Variants in MYO7A observed in about 807,000 individuals in gnomAD.
MYO7A encodes unconventional myosin-VIIa.
MYO7A carries 210 observed loss-of-function variants against 263.8 expected under a neutral mutation model. The observed-to-expected ratio is 0.80, with a 90% CI of 0.71 to 0.89. MYO7A has a LOEUF of 0.89. Ranked by LOEUF, MYO7A falls within the 40% of genes least tolerant of loss-of-function variation. The probability of loss-of-function intolerance (pLI) is 0.00; values close to 1 mark genes in which losing one functional copy is unlikely to be tolerated. For synonymous variants in MYO7A, 1,239 were observed against 1,197.3 expected (o/e 1.03, Z -0.72); for missense variants, 2,820 against 2,968.3 (o/e 0.95, Z 1.16).
At chr11:77,196,076 C>T (rs992010737) in intron 32 of MYO7A, among the ~76,000 whole-genome samples, 7 of 152,202 alleles carry the variant, frequency 4.6e-5, no homozygotes, top group African/African-American at 1.7e-4. Flanking sequence ...TCTTTAAAGA[C>T]CTTATCTCTG....
intron 14 of MYO7A, among the ~76,000 whole-genome samples, chr11:77,164,285 T>C (rs1245303663): frequency 1.0e-4 from 15 of 144,870 alleles, no homozygotes; most frequent in African/African-American, 3.7e-4. Flanking sequence ...AACCACAAAT[T>C]GGCATTAGTT....
intron 13 of MYO7A, 98 bp from the exon 14 acceptor site, chr11:77,162,755 G>A: frequency 6.8e-7 from 1 of 1,478,416 alleles, no homozygotes; most frequent in South Asian, 1.4e-5. Context: ...AGGAGGGGAA[G>A]CTCCTGAAGA....
rs1555079443 is a variant in MYO7A, at chr11:77,175,380, C to G, written c.2103C>G (p.Leu701=). Residue 701 remains leucine, a synonymous_variant, in exon 18 of 49, where the codon CTC becomes CTG. Transcript: ENST00000409709. The part of the protein sequence containing the change: ...GVKPAYKQGD[L]RGTCQRMAEA... ...CCCCATCCTCACTCCAGGGCGACCT[C>G]CGCGGGACTTGCCAGCGCATGGCTG... 10 of 1,613,242 alleles carry G rather than the reference C, an allele frequency of 6.2e-6. No homozygotes were observed. Among genetic ancestry groups the G allele is most frequent in the Non-Finnish European group, 8.5e-6 (10 of 1,179,860 alleles).
Position 77,155,910 on chromosome 11 carries a change from T to C in MYO7A, c.289T>C (p.Tyr97His), listed in dbSNP as rs1555061383. 5.6e-6 allele frequency: 9 copies of C among 1,599,868 alleles called. No homozygotes were observed. Among genetic ancestry groups the C allele is most frequent in the Non-Finnish European group, 7.7e-6 (9 of 1,171,776 alleles). The change falls in exon 5 of 49, where the codon TAT becomes CAT. Residue 97 changes from tyrosine (Y) to histidine (H), a missense_variant. Tyr to His is a moderately conservative substitution (Grantham distance 83). Coordinates refer to ENST00000409709, the MANE Select transcript of MYO7A (RefSeq NM_000260.4). ...IRYRDHLIYT[Y>H]TGSILVAVNP... is the part of the protein sequence containing the mutation. ...CCCCATCTCTTGCTGCCCGCAGACGTATACGGGCTCCATCCTGGTGGCTGT... is the reference window on the plus strand; with the variant it reads ...CCCCATCTCTTGCTGCCCGCAGACGCATACGGGCTCCATCCTGGTGGCTGT...
chr11:77,188,182 T>A (rs1436294828), intron 27 of MYO7A, among the ~76,000 whole-genome samples: 1 of 152,214 alleles, frequency 6.6e-6, no homozygotes, highest in East Asian at 1.9e-4. Flanking sequence ...TCTCCCCATC[T>A]GTAAAGTGAG....
chr11:77,157,133 TG>T, intron 7 of MYO7A, 129 bp downstream of exon 7: 1 of 1,443,492 alleles, frequency 6.9e-7, no homozygotes, highest in East Asian at 2.3e-5. Flanking sequence ...TGCTTCCCTC[TG>T]TGCTGGAAAT....
chr11:77,213,723 A>G, intron 47 of MYO7A, 137 bp from the exon 48 acceptor site: 1 of 1,258,626 alleles, frequency 7.9e-7, no homozygotes, highest in Non-Finnish European at 1.1e-6. Context: ...TTCCCACCGC[A>G]GCTGGATGGC....
intron 14 of MYO7A, among the ~76,000 whole-genome samples, chr11:77,165,644 A>G (rs1282798257): frequency 3.3e-5 from 5 of 152,218 alleles, no homozygotes; most frequent in African/African-American, 9.6e-5. Flanking sequence ...CTGTCCAACC[A>G]CAAGGTGGTT....
At chr11:77,202,934 G>A in intron 37 of MYO7A, 126 bp from the exon 38 acceptor site, 1 of 1,222,586 alleles carries the variant, frequency 8.2e-7, no homozygotes, top group Non-Finnish European at 1.1e-6. Flanking sequence ...GGGAAGAGCA[G>A]GGCCTGGTGC....
intron 44 of MYO7A, 56 bp from the exon 45 acceptor site, chr11:77,211,096 A>G: frequency 1.4e-6 from 2 of 1,456,246 alleles, no homozygotes; most frequent in Admixed American, 2.1e-5. Flanking sequence ...GTGGTGGGAA[A>G]GGAGCCCACT....
intron 18 of MYO7A, 96 bp downstream of exon 18, chr11:77,175,560 T>A: frequency 8.9e-7 from 1 of 1,124,274 alleles, no homozygotes; most frequent in Non-Finnish European, 1.3e-6. Flanking sequence ...GTGCTGGGGC[T>A]TTGAGATCCT....
At chr11:77,201,254 G>A (rs1957044687) in intron 35 of MYO7A, among the ~76,000 whole-genome samples, 194 bp from the exon 36 acceptor site, 1 of 152,226 alleles carries the variant, frequency 6.6e-6, no homozygotes, top group African/African-American at 2.4e-5. Flanking sequence ...CAAGGGCAAT[G>A]AGGAGCCGTG....
chr11:77,140,578 G>A lies in MYO7A; in HGVS notation c.19-2131G>A, dbSNP rs113709559. ...CCCGCTCTGGGCTGGGCTCTGGGGA[G>A]CCACAGATGAGGGACTCAGACCCAG... is the stretch of plus-strand genomic sequence containing the variant. On this transcript the variant is annotated intron_variant, in intron 2 of 48. Transcript: ENST00000409709. Among the ~76,000 whole-genome samples the A allele has an allele frequency of 1.3e-3, 200 of 152,326 alleles. 2 individuals are homozygous for A. The highest frequency in any genetic ancestry group is 4.4e-3 in the African/African-American group (184 of 41,580).
intron 23 of MYO7A, 145 bp downstream of exon 23, chr11:77,181,734 C>A (rs1955203432): frequency 1.2e-6 from 1 of 862,464 alleles, no homozygotes; most frequent in South Asian, 1.8e-5. Flanking sequence ...GCTGCAGGTC[C>A]CAGGTCCTGT....
chr11:77,199,202 A>G (rs1328744102), intron 34 of MYO7A, among the ~76,000 whole-genome samples: 1 of 152,168 alleles, frequency 6.6e-6, no homozygotes, highest in Non-Finnish European at 1.5e-5. Flanking sequence ...GGCACACAGG[A>G]TGCAGTAGTG....
At position 77,180,087 on chromosome 11, in the gene MYO7A, C is replaced by T. The variant is rs377339631; in HGVS notation, c.2586+134C>T. 103 of 977,746 alleles carry T rather than the reference C, an allele frequency of 1.1e-4. 1 individual carries two copies. The African/African-American group carries it at 1.6e-3, about 15-fold the overall frequency. The allele number at this position is 977,746 out of a possible 1,614,324, so 60.6% of individuals were successfully genotyped here. A position where few individuals can be genotyped will look rare whatever the true frequency, so the allele number is the denominator to read the frequency against. On this transcript the variant is annotated intron_variant, in intron 21 of 48. Coordinates refer to ENST00000409709, the MANE Select transcript of MYO7A (RefSeq NM_000260.4). Reference sequence around the variant, plus strand: ...AGTTATGCCTGCTCTGAGGAGTGCACATACCTGGGACCAGACCCTCATTTC... The same window carrying T: ...AGTTATGCCTGCTCTGAGGAGTGCATATACCTGGGACCAGACCCTCATTTC...
At chr11:77,165,539 T>C (rs1224962955) in intron 14 of MYO7A, among the ~76,000 whole-genome samples, 1 of 152,258 alleles carries the variant, frequency 6.6e-6, no homozygotes, top group Non-Finnish European at 1.5e-5. Flanking sequence ...TTAGCTTCTC[T>C]GAACATCAGT....
In MYO7A at chr11:77,162,306, C is replaced by T. The variant is rs746423219; in HGVS notation, c.1530C>T (p.Ile510=). 77 of 1,551,782 alleles carry T rather than the reference C, an allele frequency of 5.0e-5. No homozygotes were observed. The highest frequency in any genetic ancestry group is 3.4e-4 in the Middle Eastern group (2 of 5,944). ...AGCCCATGAACATCATCTCCCTCAT[C>T]GATGAGGAGAGCAAGTTCCCCAAGG... is the stretch of plus-strand genomic sequence containing the variant. The part of the protein sequence containing the change: ...ANKPMNIISL[I]DEESKFPKGT... The change falls in exon 13 of 49, where the codon ATC becomes ATT. Residue 510 remains isoleucine (I), a synonymous_variant. Transcript: ENST00000409709.
At position 77,189,359 on chromosome 11, in the gene MYO7A, C is replaced by G. The variant is rs782750617; in HGVS notation, c.3519C>G (p.Cys1173Trp). The G allele has an allele frequency of 1.2e-6, 2 of 1,613,588 alleles. No homozygotes were observed. Among genetic ancestry groups the G allele is most frequent in the Admixed American group, 3.3e-5 (2 of 60,026 alleles). The change falls in exon 28 of 49, where the codon TGC (cysteine) becomes TGG (tryptophan). Residue 1173 changes from cysteine (C) to tryptophan (W), a missense_variant. Cys to Trp is a radical substitution (Grantham distance 215). Transcript: ENST00000409709. Reference protein sequence around the residue: ...LRPALRDEIYCQISKQLTHNP... With the variant: ...LRPALRDEIYWQISKQLTHNP... ...GCCTGCCCAGGGACGAGATCTACTG[C>G]CAGATCAGCAAGCAGCTGACCCACA...
Sources: gnomAD v4.1 joint callset for allele counts (sites outside exome capture counted in the v4.1 genomes callset) on GRCh38, gnomAD v4.1.1 for gene constraint, MANE v1.5 for transcripts, NCBI Gene and HGNC (gene_info 2026-07-23, HGNC 2026-07-21) for gene names.